The following CSPG4 variants were observed in gnomAD, a reference collection of about 807,000 sequenced individuals.
CSPG4 encodes the protein chondroitin sulfate proteoglycan 4.
A neutral mutation model predicts 139.3 loss-of-function variants in CSPG4; 74 were observed. That is an observed-to-expected ratio of 0.53 (90% CI 0.44 to 0.64). CSPG4 has a LOEUF of 0.64. Among genes scored for constraint, CSPG4 ranks in the 30% least tolerant of loss-of-function variants. The probability of loss-of-function intolerance (pLI) is 0.00; values close to 1 mark genes in which losing one functional copy is unlikely to be tolerated. For missense variants in CSPG4, 2,565 were observed against 3,148.3 expected (o/e 0.81, Z 4.43); for synonymous variants, 1,234 against 1,394.2 (o/e 0.89, Z 2.56).
chr15:75,685,407 C>T lies in CSPG4; in HGVS notation c.4084G>A (p.Ala1362Thr), dbSNP rs1198474479. The T allele has an allele frequency of 1.9e-6, 3 of 1,611,806 alleles. No individual in the cohort carries two copies. The highest frequency in any genetic ancestry group is 2.5e-6 in the Non-Finnish European group (3 of 1,179,780). ...EVLPAAIPLE[A>T]QNFSVPEGGS... ...CCCTCAGGGACGCTGAAGTTTTGCG[C>T]CTCTAGTGGGATGGCAGCGGGCAGC... Residue 1362 changes from alanine to threonine, a missense_variant, in exon 4 of 10, where the codon GCG becomes ACG. By Grantham distance (58) the Ala-to-Thr change is moderately conservative. Coordinates refer to ENST00000308508, the MANE Select transcript of CSPG4 (RefSeq NM_001897.5).
rs1309311873 is a variant in CSPG4 at position 75,685,003 on chromosome 15, C to T, written c.4273-91G>A. The T allele has an allele frequency of 2.9e-6, 4 of 1,367,468 alleles. No individual in the cohort carries two copies. The Admixed American group carries it at 6.0e-5, about 21-fold the overall frequency. The allele number at this position is 1,367,468 out of a possible 1,614,324, so 84.7% of individuals were successfully genotyped here. ...CAGGAGGAGACTGACTCTTTTAGGG[C>T]TTCATTTTCCATTGGTAGAAAATGG... On this transcript the variant is annotated intron_variant, in intron 4 of 9. Coordinates refer to ENST00000308508, the MANE Select transcript of CSPG4 (RefSeq NM_001897.5).
At chr15:75,684,209 A>G (rs529561752) in intron 5 of CSPG4, among the ~76,000 whole-genome samples, 3 of 152,306 alleles carry the variant, frequency 2.0e-5, no homozygotes. Context: ...TTTTGCAACC[A>G]TGGAGAAGTT....
intron 8 of CSPG4, chr15:75,678,669 T>G (rs929048696): frequency 2.2e-6 from 1 of 456,076 alleles, no homozygotes; most frequent in Non-Finnish European, 4.4e-6. Flanking sequence ...AAACTATTCT[T>G]GACTTCACAT....
At chr15:75,705,921 G>T (rs563706767) in intron 1 of CSPG4, among the ~76,000 whole-genome samples, 1 of 152,036 alleles carries the variant, frequency 6.6e-6, no homozygotes, top group Non-Finnish European at 1.5e-5. Flanking sequence ...GTGTGTGTGC[G>T]TATGTGTGTC....
In CSPG4 at chr15:75,689,242, T is replaced by C; in HGVS notation, c.1823A>G (p.Gln608Arg). The change falls in exon 3 of 10, where the codon CAG becomes CGG. Residue 608 changes from glutamine (Q) to arginine (R), a missense_variant. By Grantham distance (43) the Gln-to-Arg change is conservative. This residue lies in a region of CSPG4 where 2,316 missense variants were observed against 2,818.2 expected (regional missense o/e 0.82). Coordinates refer to ENST00000308508, the MANE Select transcript of CSPG4 (RefSeq NM_001897.5). ...SSGLPVERRD[Q>R]PGEPATEFSC... ...GAACTCGGTCGCCGGCTCCCCAGGC[T>C]GGTCTCGGCGCTCCACGGGGAGGCC... is the stretch of plus-strand genomic sequence containing the variant. The C allele has an allele frequency of 6.2e-7, 1 of 1,610,386 alleles. No individual in the cohort carries two copies. The highest frequency in any genetic ancestry group is 8.5e-7 in the Non-Finnish European group (1 of 1,179,608).
intron 1 of CSPG4, 114 bp from the exon 2 acceptor site, chr15:75,693,347 T>A: frequency 3.8e-6 from 4 of 1,054,150 alleles, no homozygotes; most frequent in Non-Finnish European, 5.5e-6. Context: ...CGCACCCTCA[T>A]GGTTCTGCTG....
In CSPG4 at chr15:75,687,771, A is replaced by G. The variant is rs4414463; in HGVS notation, c.3294T>C (p.Ala1098=). 865,451 of 1,612,596 alleles carry G rather than the reference A, an allele frequency of 0.54. 235,016 individuals carry two copies. The highest frequency in any genetic ancestry group is 0.56 in the Non-Finnish European group (659,325 of 1,179,892). ...CCTGCAGCTGGATCCAGCCACGGTC[A>G]GCCCCTGAGTGCACGAACAGTACTC... ...KRRVLFVHSG[A]DRGWIQLQVS... The change falls in exon 3 of 10, where the codon GCT becomes GCC. Residue 1098 remains alanine (A), a synonymous_variant. Transcript: ENST00000308508. The surrounding 1 kb of genome is among the most constrained non-coding windows in gnomAD (Gnocchi z 5.4).
At position 75,687,689 on chromosome 15, in the gene CSPG4, A is replaced by G. The variant is rs1481338781; in HGVS notation, c.3376T>C (p.Tyr1126His). 7 of 1,612,792 alleles carry G rather than the reference A, an allele frequency of 4.3e-6. No homozygotes were observed. Among genetic ancestry groups the G allele is most frequent in the Non-Finnish European group, 5.9e-6 (7 of 1,179,974 alleles). Residue 1126 changes from tyrosine to histidine, a missense_variant, in exon 3 of 10, where the codon TAC (tyrosine) becomes CAC (histidine). Coordinates refer to ENST00000308508, the MANE Select transcript of CSPG4 (RefSeq NM_001897.5). This position sits in a 1 kb window ranked among gnomAD's most constrained non-coding sequence, Gnocchi z 5.4. The stretch of plus-strand genomic sequence containing the variant: ...CTGGAGCCGTTGGCCACACGGAGGT[A>G]GGGTTCCGAGGCCTGCACCTCCAGC... ...ALLEVQASEP[Y>H]LRVANGSSLV... is the part of the protein sequence containing the mutation.
rs1019964520 is a variant in CSPG4 at position 75,677,201 on chromosome 15, T to G, written c.5318A>C (p.His1773Pro). ...TGCAGCCAGCTGGGACTGCAGGAAG[T>G]GGGGCTGCCCAGCATGGAGGGGCTC... Reference protein sequence around the residue: ...SEEPLHAGQPHFLQSQLAAGQ... With the variant: ...SEEPLHAGQPPFLQSQLAAGQ... Residue 1773 changes from histidine (H) to proline (P), a missense_variant, in exon 10 of 10, where the codon CAC becomes CCC. By Grantham distance (77) the His-to-Pro change is moderately conservative. Around this residue, in one of 5 missense-constraint regions of CSPG4, gnomAD observed 2,316 missense variants for 2,818.2 expected, o/e 0.82. Coordinates refer to ENST00000308508, the MANE Select transcript of CSPG4 (RefSeq NM_001897.5). 2 of 1,448,864 alleles carry G rather than the reference T, an allele frequency of 1.4e-6. No homozygotes were observed. The highest frequency in any genetic ancestry group is 2.9e-5 in the African/African-American group (2 of 69,920). 89.8% of individuals were successfully genotyped at this position (1,448,864 alleles called of 1,614,324 possible). A position where few individuals can be genotyped will look rare whatever the true frequency, so the allele number is the denominator to read the frequency against.
chr15:75,700,711 G>A (rs1215628714), intron 1 of CSPG4, among the ~76,000 whole-genome samples: 1 of 152,174 alleles, frequency 6.6e-6, no homozygotes, highest in African/African-American at 2.4e-5. Context: ...AGAAACTGCT[G>A]AAGACAGGGC....
rs1468836650 is a variant in CSPG4, at chr15:75,688,507, T to A, written c.2558A>T (p.Gln853Leu). The A allele has an allele frequency of 2.5e-6, 4 of 1,613,232 alleles. No homozygotes were observed. In the South Asian group the frequency reaches 3.3e-5, roughly 13 times the overall value. ...DGQGFTQDDIQAGRVTYGATA... is the reference protein window; with the variant it reads ...DGQGFTQDDILAGRVTYGATA... ...GGCCCCATAGGTCACCCGGCCAGCCTGTATGTCATCCTGGGTGAAGCCCTG... is the reference window on the plus strand; with the variant it reads ...GGCCCCATAGGTCACCCGGCCAGCCAGTATGTCATCCTGGGTGAAGCCCTG... The change falls in exon 3 of 10, where the codon CAG becomes CTG. Residue 853 changes from glutamine (Q) to leucine (L), a missense_variant. This residue lies in a region of CSPG4 where 2,316 missense variants were observed against 2,818.2 expected (regional missense o/e 0.82). Transcript: ENST00000308508.
intron 8 of CSPG4, chr15:75,680,409 T>G (rs1893956915): frequency 6.6e-6 from 1 of 152,300 alleles, no homozygotes; most frequent in African/African-American, 2.4e-5. Flanking sequence ...GTTTTTTGTT[T>G]AATTTCCCAA....
rs149356457 is a variant in CSPG4 at position 75,689,424 on chromosome 15, G to A, written c.1641C>T (p.Asn547=). Residue 547 remains asparagine (N), a synonymous_variant, in exon 3 of 10, where the codon AAC becomes AAT. Coordinates refer to ENST00000308508, the MANE Select transcript of CSPG4 (RefSeq NM_001897.5). The part of the protein sequence containing the change: ...GQTYLLPIQV[N]PVNDPPHIIF... ...TGATGTGGGGTGGGTCATTGACAGG[G>A]TTGACCTGGATGGGCAGGAGGTATG... The A allele has an allele frequency of 6.2e-6, 10 of 1,612,772 alleles. No individual in the cohort carries two copies. Among genetic ancestry groups the A allele is most frequent in the Non-Finnish European group, 7.6e-6 (9 of 1,179,848 alleles).
In CSPG4 at chr15:75,689,492, T is replaced by C; in HGVS notation, c.1573A>G (p.Thr525Ala). The change falls in exon 3 of 10, where the codon ACG becomes GCG. Residue 525 changes from threonine to alanine, a missense_variant. Physicochemically the swap from Thr to Ala is moderately conservative, Grantham distance 58 (BLOSUM62 0). Coordinates refer to ENST00000308508, the MANE Select transcript of CSPG4 (RefSeq NM_001897.5). ...SDQLVLEVSV[T>A]ARVPMPSCLR... is the part of the protein sequence containing the mutation. ...CATGAGGGCATGGGCACCCGAGCCG[T>C]CACCGACACCTCCAGCACCAGCTGG... 6.2e-7 allele frequency: 1 copy of C among 1,612,790 alleles called. No homozygotes were observed. Among genetic ancestry groups the C allele is most frequent in the Non-Finnish European group, 8.5e-7 (1 of 1,179,866 alleles).
chr15:75,688,610 G>T lies in CSPG4; in HGVS notation c.2455C>A (p.Pro819Thr), dbSNP rs764468211. The change falls in exon 3 of 10, where the codon CCA (proline) becomes ACA (threonine). Residue 819 changes from proline to threonine, a missense_variant. By Grantham distance (38) the Pro-to-Thr change is conservative. This residue lies in a region of CSPG4 where 2,316 missense variants were observed against 2,818.2 expected (regional missense o/e 0.82). Transcript: ENST00000308508. ...ATLEEAGPSP[P>T]TFHYEVVQAP... is the part of the protein sequence containing the mutation. ...TGAACCACCTCATAATGGAAGGTTG[G>T]GGGGCTTGGGCCTGCCTCCTCCAGG... 6.2e-6 allele frequency: 10 copies of T among 1,612,814 alleles called. No individual in the cohort carries two copies. Among genetic ancestry groups the T allele is most frequent in the Middle Eastern group, 1.6e-4 (1 of 6,078 alleles).
At chr15:75,678,261 T>G (rs937907025) in intron 8 of CSPG4, among the ~76,000 whole-genome samples, 12 of 152,244 alleles carry the variant, frequency 7.9e-5, no homozygotes, top group African/African-American at 2.2e-4. Context: ...GGCTTTCTCC[T>G]ATGGTGTCAG....
intron 8 of CSPG4, 99 bp from the exon 9 acceptor site, chr15:75,677,985 G>A: frequency 2.6e-6 from 3 of 1,168,322 alleles, no homozygotes; most frequent in Non-Finnish European, 3.6e-6. Flanking sequence ...GGGCTCTCCT[G>A]GGTGTGCCCA....
chr15:75,678,583 G>T (rs192492154), intron 8 of CSPG4: 1 of 452,838 alleles, frequency 2.2e-6, no homozygotes, highest in Admixed American at 2.4e-5. Flanking sequence ...TGAACTTCTG[G>T]GCTCAAGCGG....
chr15:75,682,089 T>C (rs1893981303), intron 8 of CSPG4, among the ~76,000 whole-genome samples: 1 of 152,144 alleles, frequency 6.6e-6, no homozygotes, highest in Non-Finnish European at 1.5e-5. Context: ...TGCATCCTTC[T>C]CCCTCCTTCT....
Sources: allele counts gnomAD v4.1 joint callset (sites outside exome capture counted in the v4.1 genomes callset), GRCh38; gene constraint gnomAD v4.1.1; regional missense constraint gnomAD v4.1.1; non-coding constraint Gnocchi (gnomAD v3.1); transcripts MANE v1.5; gene names NCBI Gene and HGNC (gene_info 2026-07-23, HGNC 2026-07-21).